The following HAT1 variants were observed in gnomAD, a reference collection of about 807,000 sequenced individuals.
HAT1 encodes the protein histone acetyltransferase 1, also known as histone acetyltransferase type B catalytic subunit.
Under a neutral mutation model 56.6 loss-of-function variants are expected in HAT1, and 20 were observed. The ratio of observed to expected loss-of-function variants is 0.35; its 90% CI spans 0.25 to 0.51. The LOEUF (loss-of-function observed/expected upper bound fraction) is 0.51. HAT1 is among the 20% of genes least tolerant of loss of function. The pLI is 0.95. For missense variants in HAT1, 408 were observed against 504.3 expected, an observed-to-expected ratio of 0.81 and a Z score of 1.83; for synonymous variants, 146 against 165.5, an observed-to-expected ratio of 0.88 and a Z score of 0.91.
chr2:171,958,938 A>T (rs1227047169), intron 4 of HAT1, among the ~76,000 whole-genome samples: 1 of 152,170 alleles, frequency 6.6e-6, no homozygotes, highest in Non-Finnish European at 1.5e-5. Context: ...GTAGTTTCAT[A>T]TTCATTATTC....
At chr2:171,923,142 C>T (rs568060535) in intron 1 of HAT1, 1 of 152,344 alleles carries the variant, frequency 6.6e-6, no homozygotes, top group South Asian at 2.1e-4. Flanking sequence ...ATACAATTCT[C>T]TTGTGTACAT....
chr2:171,940,293 CGTT>C (rs1299668487), intron 2 of HAT1, among the ~76,000 whole-genome samples: 12 of 152,168 alleles, frequency 7.9e-5, no homozygotes, highest in Admixed American at 7.9e-4. Flanking sequence ...CAAAAACAAG[CGTT>C]GTTGCCTTGT....
At chr2:171,947,510 C>G (rs990599699) in intron 3 of HAT1, among the ~76,000 whole-genome samples, 1 of 152,060 alleles carries the variant, frequency 6.6e-6, no homozygotes, top group Non-Finnish European at 1.5e-5. Flanking sequence ...CCCACCTGCG[C>G]CTCCCAAAGA....
chr2:171,938,025 T>TCTCTCC (rs1491320775), intron 2 of HAT1, among the ~76,000 whole-genome samples: 1 of 5,996 alleles, frequency 1.7e-4, no homozygotes, highest in East Asian at 3.8e-3. Context: ...GTCTACTGAT[T>TCTCTCC]CTCTCTCTCT....
At chr2:171,955,955 G>A (rs956648355) in intron 4 of HAT1, among the ~76,000 whole-genome samples, 1 of 151,994 alleles carries the variant, frequency 6.6e-6, no homozygotes, top group African/African-American at 2.4e-5. Flanking sequence ...TGAGGCAGGA[G>A]AATCACCGGA....
intron 2 of HAT1, among the ~76,000 whole-genome samples, chr2:171,928,114 A>ACC (rs1213320791): frequency 6.6e-6 from 1 of 150,550 alleles, no homozygotes; most frequent in Non-Finnish European, 1.5e-5. Context: ...CGAACTCCTG[A>ACC]CCTCAGGTGA....
At chr2:171,936,058 C>T (rs1415951035) in intron 2 of HAT1, among the ~76,000 whole-genome samples, 1 of 152,076 alleles carries the variant, frequency 6.6e-6, no homozygotes, top group Admixed American at 6.6e-5. Context: ...ACAGTAAAGA[C>T]AAAATTCTTG....
intron 2 of HAT1, among the ~76,000 whole-genome samples, chr2:171,945,453 C>G (rs991978568): frequency 6.7e-6 from 1 of 148,442 alleles, no homozygotes; most frequent in African/African-American, 2.5e-5. Flanking sequence ...TAAACTGTTA[C>G]AATATTTTTA....
At chr2:171,981,791 G>T (rs1404307929) in intron 10 of HAT1, among the ~76,000 whole-genome samples, 1 of 152,100 alleles carries the variant, frequency 6.6e-6, no homozygotes. Context: ...GTTATCCAAA[G>T]TAGCATTTTA....
chr2:171,970,158 T>C (rs1211486871), intron 8 of HAT1, among the ~76,000 whole-genome samples: 1 of 152,032 alleles, frequency 6.6e-6, no homozygotes, highest in African/African-American at 2.4e-5. Context: ...AGACCCTGTC[T>C]TAAAAAATAC....
chr2:171,965,678 C>G, intron 5 of HAT1, 109 bp from the exon 6 acceptor site: 1 of 1,139,040 alleles, frequency 8.8e-7, no homozygotes, highest in Middle Eastern at 2.0e-4. Context: ...ATGTTCACAT[C>G]TTAATCTGAG....
intron 2 of HAT1, among the ~76,000 whole-genome samples, chr2:171,934,839 T>G (rs1369253758): frequency 7.2e-6 from 1 of 138,332 alleles, no homozygotes; most frequent in African/African-American, 2.6e-5. Flanking sequence ...CACTGCAACC[T>G]CCGCCTCTGG....
intron 2 of HAT1, among the ~76,000 whole-genome samples, chr2:171,930,277 T>C (rs1558961885): frequency 6.6e-6 from 1 of 152,178 alleles, no homozygotes. Context: ...GCTCAAGTGA[T>C]CCTCTTACCA....
chr2:171,969,606 G>A lies in HAT1; in HGVS notation c.823+2657G>A, dbSNP rs965271795. 8.5e-5 allele frequency among the ~76,000 whole-genome samples: 13 copies of A among 152,202 alleles called. No individual in the cohort carries two copies. The South Asian group carries it at 1.7e-3, about 19-fold the overall frequency. ...AGGATGTCATACATTATTGGGTGTC[G>A]TTTTAAGTTCATTTCAGACTGACAC... On this transcript the variant is annotated intron_variant, in intron 8 of 10. Transcript: ENST00000264108.
chr2:171,963,182 A>G (rs1687134381), intron 4 of HAT1, among the ~76,000 whole-genome samples: 1 of 150,452 alleles, frequency 6.6e-6, no homozygotes, highest in Non-Finnish European at 1.5e-5. Flanking sequence ...TTATGTAAGT[A>G]TATCAGATAC....
intron 1 of HAT1, chr2:171,924,345 C>T (rs1014163984): frequency 2.6e-5 from 4 of 151,942 alleles, no homozygotes; most frequent in African/African-American, 9.7e-5. Context: ...TACAGTCACG[C>T]GCCACCACGT....
chr2:171,942,304 G>T (rs1365547668), intron 2 of HAT1, among the ~76,000 whole-genome samples: 1 of 152,164 alleles, frequency 6.6e-6, no homozygotes, highest in Non-Finnish European at 1.5e-5. Context: ...AGAAAATTTG[G>T]AAAGTAGATA....
At chr2:171,954,542 T>G (rs771476565) in intron 4 of HAT1, among the ~76,000 whole-genome samples, 1 of 151,954 alleles carries the variant, frequency 6.6e-6, no homozygotes, top group Non-Finnish European at 1.5e-5. Context: ...AAAAATTAGC[T>G]GGGCGCAGTG....
chr2:171,968,006 T>C (rs747136967), intron 8 of HAT1, among the ~76,000 whole-genome samples: 45 of 147,112 alleles, frequency 3.1e-4, no homozygotes, highest in Non-Finnish European at 5.2e-4. Flanking sequence ...GTAAATAAAA[T>C]TGAAGTTGCT....
Sources: gnomAD v4.1 joint callset for allele counts (sites outside exome capture counted in the v4.1 genomes callset) on GRCh38, gnomAD v4.1.1 for gene constraint, MANE v1.5 for transcripts, NCBI Gene and HGNC (gene_info 2026-07-23, HGNC 2026-07-21) for gene names.